Variants in ATAD2 observed in about 807,000 individuals in gnomAD.
ATAD2 encodes the protein ATPase family AAA domain-containing protein 2.
ATAD2 carries 62 observed loss-of-function variants against 168.9 expected under a neutral mutation model. The ratio of observed to expected loss-of-function variants is 0.37; its 90% CI spans 0.30 to 0.45. ATAD2 has a LOEUF of 0.45. ATAD2 is among the 20% of genes least tolerant of loss of function. The probability of loss-of-function intolerance (pLI) is 1.00; values close to 1 mark genes in which losing one functional copy is unlikely to be tolerated. For synonymous variants in ATAD2, 613 were observed against 571.6 expected (o/e 1.07, Z -1.03); for missense variants, 1,419 against 1,667.8 (o/e 0.85, Z 2.60).
chr8:123,369,130 G>A lies in ATAD2; in HGVS notation c.977C>T (p.Ala326Val). 1 of 1,591,622 alleles carries A rather than the reference G, an allele frequency of 6.3e-7. No homozygotes were observed. Among genetic ancestry groups the A allele is most frequent in the Non-Finnish European group, 8.6e-7 (1 of 1,166,070 alleles). Reference protein sequence around the residue: ...RKPNIFYSGPASPARPRYRLS... With the variant: ...RKPNIFYSGPVSPARPRYRLS... ...TCGGTATCTTGGTCTTGCAGGAGAA[G>A]CTGGGCCACTATAAAATATGTTGGG... The change falls in exon 8 of 28, where the codon GCT becomes GTT. Residue 326 changes from alanine to valine, a missense_variant. Around this residue, in one of 5 missense-constraint regions of ATAD2, gnomAD observed 419 missense variants for 423.5 expected, o/e 0.99. Transcript: ENST00000287394.
In ATAD2 at chr8:123,347,386, T is replaced by G; in HGVS notation, c.1918A>C (p.Lys640Gln). ...NCVGYCGADI[K>Q]SICAEAALCA... ...AAAGCAGCTTCAGCACATATTGATT[T>G]AATATCTGCTCCACAGTATCCTATC... The change falls in exon 16 of 28, where the codon AAA (lysine) becomes CAA (glutamine). Residue 640 changes from lysine to glutamine, a missense_variant. Around this residue, in one of 5 missense-constraint regions of ATAD2, gnomAD observed 545 missense variants for 724.9 expected, o/e 0.75. Coordinates refer to ENST00000287394, the MANE Select transcript of ATAD2 (RefSeq NM_014109.4). 1 of 1,612,212 alleles carries G rather than the reference T, an allele frequency of 6.2e-7. No homozygotes were observed. Among genetic ancestry groups the G allele is most frequent in the Non-Finnish European group, 8.5e-7 (1 of 1,179,212 alleles).
At chr8:123,373,054 G>A (rs568708331) in intron 2 of ATAD2, among the ~76,000 whole-genome samples, 2 of 151,786 alleles carry the variant, frequency 1.3e-5, no homozygotes, top group African/African-American at 2.4e-5. Flanking sequence ...CATCTCGCCC[G>A]GCTAATTTTT....
In ATAD2 at chr8:123,396,214, T is replaced by C; in HGVS notation, c.144A>G (p.Lys48=). The change falls in exon 1 of 28, where the codon AAA becomes AAG. Residue 48 remains lysine, a synonymous_variant. Coordinates refer to ENST00000287394, the MANE Select transcript of ATAD2 (RefSeq NM_014109.4). The part of the protein sequence containing the change: ...RLRSAGAAQK[K]PAATTAKAGD... Reference sequence around the variant, plus strand: ...CCGCTTTGGCTGTGGTCGCCGCGGGTTTCTTCTGCGCCGCGCCGGCCGAGC... The same window carrying C: ...CCGCTTTGGCTGTGGTCGCCGCGGGCTTCTTCTGCGCCGCGCCGGCCGAGC... The C allele has an allele frequency of 6.3e-7, 1 of 1,591,350 alleles. No homozygotes were observed. Among genetic ancestry groups the C allele is most frequent in the Non-Finnish European group, 8.5e-7 (1 of 1,173,428 alleles).
Position 123,346,243 on chromosome 8 carries a change from C to T in ATAD2, c.2375G>A (p.Arg792Gln), listed in dbSNP as rs1257928654. Reference sequence around the variant, plus strand: ...TTCTCCTACTATCAATATTCTTGGTCGAAAAGACATAGGTTGGTAACAAGC... The same window carrying T: ...TTCTCCTACTATCAATATTCTTGGTTGAAAAGACATAGGTTGGTAACAAGC... Reference protein sequence around the residue: ...RNACYQPMSFRPRILIVGEPG... With the variant: ...RNACYQPMSFQPRILIVGEPG... Residue 792 changes from arginine (R) to glutamine (Q), a missense_variant, in exon 18 of 28, where the codon CGA becomes CAA. Coordinates refer to ENST00000287394, the MANE Select transcript of ATAD2 (RefSeq NM_014109.4). The T allele has an allele frequency of 1.2e-6, 2 of 1,605,108 alleles. No individual in the cohort carries two copies. Among genetic ancestry groups the T allele is most frequent in the Non-Finnish European group, 1.7e-6 (2 of 1,177,232 alleles).
Position 123,396,424 on chromosome 8 carries a change from T to G in ATAD2, c.-67A>C. On this transcript the variant is annotated 5_prime_UTR_variant, in exon 1 of 28. Coordinates refer to ENST00000287394, the MANE Select transcript of ATAD2 (RefSeq NM_014109.4). ...ATCCAGCTCCAGGCGCTCGCAGCTC[T>G]GGCTCTTCCGCGCTCCGAATTCTGG... 6 of 1,421,374 alleles carry G rather than the reference T, an allele frequency of 4.2e-6. No individual in the cohort carries two copies. The highest frequency in any genetic ancestry group is 4.6e-6 in the Non-Finnish European group (5 of 1,085,136). The allele number at this position is 1,421,374 out of a possible 1,614,324, so 88.0% of individuals were successfully genotyped here.
In ATAD2 at chr8:123,333,907, G is replaced by A. The variant is rs202196971; in HGVS notation, c.3449C>T (p.Pro1150Leu). The change falls in exon 24 of 28, where the codon CCG becomes CTG. Residue 1150 changes from proline (P) to leucine (L), a missense_variant. By Grantham distance (98) the Pro-to-Leu change is moderately conservative. Around this residue, in one of 5 missense-constraint regions of ATAD2, gnomAD observed 303 missense variants for 304.3 expected, o/e 1.00. Coordinates refer to ENST00000287394, the MANE Select transcript of ATAD2 (RefSeq NM_014109.4). ...AGTGCTGCAAGCCACAGGAGTACTC[G>A]GTGTCTTTAGCTTTTCATTCTGCTC... ...DPEQNEKLKT[P>L]STPVACSTPA... is the part of the protein sequence containing the mutation. The A allele has an allele frequency of 1.7e-5, 28 of 1,613,982 alleles. No homozygotes were observed. Among genetic ancestry groups the A allele is most frequent in the East Asian group, 1.3e-4 (6 of 44,868 alleles).
At chr8:123,343,345 A>G (rs1828123111) in intron 19 of ATAD2, among the ~76,000 whole-genome samples, 1 of 151,968 alleles carries the variant, frequency 6.6e-6, no homozygotes, top group Non-Finnish European at 1.5e-5. Flanking sequence ...CTCTTTTGGT[A>G]CCCCTTAGCT....
chr8:123,361,418 T>A (rs919343664), intron 9 of ATAD2, 121 bp downstream of exon 9: 1 of 662,694 alleles, frequency 1.5e-6, no homozygotes, highest in South Asian at 1.9e-5. Flanking sequence ...AGTTTATACA[T>A]TAACCTGTTG....
intron 19 of ATAD2, among the ~76,000 whole-genome samples, chr8:123,340,872 T>G (rs985434992): frequency 3.9e-5 from 6 of 152,126 alleles, no homozygotes; most frequent in Non-Finnish European, 5.9e-5. Context: ...GTGGTGATGG[T>G]TGCCCAACAT....
intron 1 of ATAD2, among the ~76,000 whole-genome samples, chr8:123,393,532 A>T (rs1321309142): frequency 2.0e-5 from 3 of 151,730 alleles, no homozygotes; most frequent in Non-Finnish European, 2.9e-5. Context: ...ATGCATAAAT[A>T]AAGAGAACTG....
At chr8:123,357,500 T>A (rs190654681) in intron 12 of ATAD2, 62 bp downstream of exon 12, 119 of 1,388,400 alleles carry the variant, frequency 8.6e-5, no homozygotes, top group Non-Finnish European at 1.4e-5. Flanking sequence ...ATTTATCTAA[T>A]CCTCACACAC....
intron 19 of ATAD2, among the ~76,000 whole-genome samples, chr8:123,343,459 G>A (rs1828128791): frequency 6.6e-6 from 1 of 152,130 alleles, no homozygotes. Flanking sequence ...ACACGTTTTT[G>A]TGTATCTTAT....
Position 123,347,138 on chromosome 8 carries a change from T to G in ATAD2, c.2166A>C (p.Arg722Ser). ...TVDKILEALQRVFPHAEFRTN... is the reference protein window; with the variant it reads ...TVDKILEALQSVFPHAEFRTN... ...TTCTGAATTCTGCATGTGGAAATAC[T>G]CTCTGCAGGGCTTCTAAAATCTTGT... is the stretch of plus-strand genomic sequence containing the variant. Residue 722 changes from arginine to serine, a missense_variant, in exon 16 of 28, where the codon AGA becomes AGC. By Grantham distance (110) the Arg-to-Ser change is moderately radical (BLOSUM62 -1). This residue lies in a region of ATAD2 where 545 missense variants were observed against 724.9 expected (regional missense o/e 0.75). Transcript: ENST00000287394. 1 of 1,614,142 alleles carries G rather than the reference T, an allele frequency of 6.2e-7. No homozygotes were observed. Among genetic ancestry groups the G allele is most frequent in the African/African-American group, 1.3e-5 (1 of 75,070 alleles).
chr8:123,359,461 T>C (rs780989781), intron 10 of ATAD2, 116 bp downstream of exon 10: 295 of 1,240,850 alleles, frequency 2.4e-4, no homozygotes, highest in Non-Finnish European at 2.6e-4. Flanking sequence ...ACAGAAAACG[T>C]CTGTAAAGGT....
chr8:123,351,499 T>C (rs1828458823), intron 13 of ATAD2, among the ~76,000 whole-genome samples: 1 of 152,172 alleles, frequency 6.6e-6, no homozygotes, highest in Non-Finnish European at 1.5e-5. Context: ...CTAGATCCAC[T>C]ATTTCATAAG....
rs534976987 is a variant in ATAD2 at position 123,336,772 on chromosome 8, G to A, written c.3052-240C>T. ...TATTCTTGGGCAGCTGTATTCTCCAGTAACAGCCTATATTCTTTCCTCATC... is the reference window on the plus strand; with the variant it reads ...TATTCTTGGGCAGCTGTATTCTCCAATAACAGCCTATATTCTTTCCTCATC... On this transcript the variant is annotated intron_variant, in intron 21 of 27. Coordinates refer to ENST00000287394, the MANE Select transcript of ATAD2 (RefSeq NM_014109.4). Among the ~76,000 whole-genome samples the A allele has an allele frequency of 1.3e-5, 2 of 152,200 alleles. 1 individual carries two copies. Among genetic ancestry groups the A allele is most frequent in the East Asian group, 3.9e-4 (2 of 5,186 alleles).
intron 24 of ATAD2, among the ~76,000 whole-genome samples, chr8:123,331,038 CTCAG>C (rs1827762113): frequency 6.6e-6 from 1 of 152,118 alleles, no homozygotes; most frequent in Non-Finnish European, 1.5e-5. Context: ...ATTCTCTTGC[CTCAG>C]TCCCTTGAGG....
chr8:123,413,562 A>T (rs567256036), intron 1 of ATAD2, among the ~76,000 whole-genome samples: 1 of 152,268 alleles, frequency 6.6e-6, no homozygotes, highest in Admixed American at 6.5e-5. Context: ...CACTCAGGGT[A>T]GTAAGTAGCC....
Position 123,361,576 on chromosome 8 carries a change from T to C in ATAD2, c.1120A>G (p.Arg374Gly), listed in dbSNP as rs1261130996. 6.2e-7 allele frequency: 1 copy of C among 1,613,452 alleles called. No individual in the cohort carries two copies. Among genetic ancestry groups the C allele is most frequent in the Admixed American group, 1.7e-5 (1 of 60,018 alleles). ...SSSEDEQHFE[R>G]RRKRSRNRAI... is the part of the protein sequence containing the mutation. ...CTATTACGACTCCTTTTCCTCCGCC[T>C]CTCAAAGTGCTGTTCATCTTCAGAG... Residue 374 changes from arginine (R) to glycine (G), a missense_variant, in exon 9 of 28, where the codon AGG becomes GGG. Physicochemically the swap from Arg to Gly is moderately radical, Grantham distance 125 (BLOSUM62 -2). This residue lies in a region of ATAD2 where 146 missense variants were observed against 188.3 expected (regional missense o/e 0.78). Coordinates refer to ENST00000287394, the MANE Select transcript of ATAD2 (RefSeq NM_014109.4).
Sources: allele counts gnomAD v4.1 joint callset (sites outside exome capture counted in the v4.1 genomes callset), GRCh38; gene constraint gnomAD v4.1.1; regional missense constraint gnomAD v4.1.1; transcripts MANE v1.5; gene names NCBI Gene and HGNC (gene_info 2026-07-23, HGNC 2026-07-21).